The following ANP32E variants were observed in gnomAD, a reference collection of about 807,000 sequenced individuals.
ANP32E encodes the protein acidic nuclear phosphoprotein 32 family member E.
A neutral mutation model predicts 35.3 loss-of-function variants in ANP32E; 14 were observed. The ratio of observed to expected loss-of-function variants is 0.40; its 90% CI spans 0.26 to 0.62. ANP32E has a LOEUF of 0.62. Among genes scored for constraint, ANP32E ranks in the 20% least tolerant of loss-of-function variants. The probability of loss-of-function intolerance (pLI) is 0.45; values close to 1 mark genes in which losing one functional copy is unlikely to be tolerated. For missense variants in ANP32E, 198 were observed against 304.4 expected, an observed-to-expected ratio of 0.65 and a Z score of 2.60; for synonymous variants, 89 against 110.4, an observed-to-expected ratio of 0.81 and a Z score of 1.22.
Position 150,236,042 on chromosome 1 carries a change from GCACACACATACACACACACATACACA to G in ANP32E, c.-282_-257del. ...CGCGCACACACACGCACGCACGCGC[GCACACACATACACACACACATACACA>G]CACACACCCGCAGTTCCTTCCCCTT... On this transcript the variant is annotated 5_prime_UTR_variant, in exon 1 of 7. The change abolishes an upstream ATG in the 5' untranslated region. Coordinates refer to ENST00000583931, the MANE Select transcript of ANP32E (RefSeq NM_030920.5). 1 of 525,336 alleles carries G rather than the reference GCACACACATACACACACACATACACA, an allele frequency of 1.9e-6. No homozygotes were observed. Among genetic ancestry groups the G allele is most frequent in the South Asian group, 2.1e-5 (1 of 47,866 alleles). 32.5% of individuals were successfully genotyped at this position (525,336 alleles called of 1,614,324 possible).
chr1:150,223,343 G>A lies in ANP32E; in HGVS notation c.682-103C>T, dbSNP rs139294073. Reference sequence around the variant, plus strand: ...AGAGCAAAGAAACTATGGTTATTCTGTGTTTTGACAACCTCTGCCATTCTT... The same window carrying A: ...AGAGCAAAGAAACTATGGTTATTCTATGTTTTGACAACCTCTGCCATTCTT... On this transcript the variant is annotated intron_variant, in intron 5 of 6. Coordinates refer to ENST00000583931, the MANE Select transcript of ANP32E (RefSeq NM_030920.5). 418 of 1,420,468 alleles carry A rather than the reference G, an allele frequency of 2.9e-4. 2 individuals are homozygous for A. The African/African-American group carries it at 4.2e-3, about 14-fold the overall frequency. The allele number at this position is 1,420,468 out of a possible 1,614,324, so 88.0% of individuals were successfully genotyped here.
chr1:150,229,177 C>A lies in ANP32E; in HGVS notation c.388G>T (p.Asp130Tyr). Residue 130 changes from aspartate (D) to tyrosine (Y), a missense_variant, in exon 4 of 7, where the codon GAT becomes TAT. By Grantham distance (160) the Asp-to-Tyr change is radical. This residue lies in a region of ANP32E where 31 missense variants were observed against 62.6 expected (regional missense o/e 0.50). Transcript: ENST00000583931. ...LFNCEITNLEDYRESIFELLQ... is the reference protein window; with the variant it reads ...LFNCEITNLEYYRESIFELLQ... ...AGTTCAAAAATACTTTCTCTATAAT[C>A]TTCCAGGTTTGTGATCTCACAGTTA... 6.2e-7 allele frequency: 1 copy of A among 1,612,978 alleles called. No homozygotes were observed. Among genetic ancestry groups the A allele is most frequent in the Non-Finnish European group, 8.5e-7 (1 of 1,179,224 alleles).
chr1:150,233,416 G>A (rs187578932), intron 1 of ANP32E, among the ~76,000 whole-genome samples: 10 of 152,086 alleles, frequency 6.6e-5, no homozygotes, highest in Admixed American at 5.9e-4. Context: ...AGCTCTTCTG[G>A]GAACAGCCCA....
intron 1 of ANP32E, chr1:150,234,749 C>T (rs1649643430): frequency 2.3e-6 from 2 of 866,496 alleles, no homozygotes; most frequent in South Asian, 5.3e-5. Flanking sequence ...GTTGTCCTCG[C>T]GCCTTCGCCC....
chr1:150,235,165 C>T lies in ANP32E; in HGVS notation c.54+568G>A, dbSNP rs1553842934. ...CGGGCGAAGGGCAGAGGGCGGCGCG[C>T]GCGGCTTCCCGGAGGAGTGGGCGCC... On this transcript the variant is annotated intron_variant, in intron 1 of 6. Transcript: ENST00000583931. This position sits in a 1 kb window ranked among gnomAD's most constrained non-coding sequence, Gnocchi z 4.2. Among the ~76,000 whole-genome samples, 1 of 152,234 alleles carries T rather than the reference C, an allele frequency of 6.6e-6. No individual in the cohort carries two copies. Among genetic ancestry groups the T allele is most frequent in the Non-Finnish European group, 1.5e-5 (1 of 68,030 alleles).
intron 6 of ANP32E, among the ~76,000 whole-genome samples, chr1:150,222,780 T>C (rs1648535872): frequency 6.6e-6 from 1 of 151,148 alleles, no homozygotes; most frequent in South Asian, 2.1e-4. Flanking sequence ...AAAATATATA[T>C]ATATATAAAT....
rs148947714 is a variant in ANP32E at position 150,226,728 on chromosome 1, C to A, written c.561G>T (p.Glu187Asp). Residue 187 changes from glutamate to aspartate, a missense_variant, in exon 5 of 7, where the codon GAG becomes GAT. Coordinates refer to ENST00000583931, the MANE Select transcript of ANP32E (RefSeq NM_030920.5). ...CATCCTCCTCTTCCTCTTCCTCCTC[C>A]TCTTCCTCATATCCTTCCGGTGGAC... ...EAGPPEGYEE[E>D]EEEEEEEDED... 1 of 1,587,208 alleles carries A rather than the reference C, an allele frequency of 6.3e-7. No individual in the cohort carries two copies. Among genetic ancestry groups the A allele is most frequent in the African/African-American group, 1.3e-5 (1 of 74,174 alleles).
intron 4 of ANP32E, among the ~76,000 whole-genome samples, chr1:150,228,190 C>A (rs1224331348): frequency 1.3e-5 from 2 of 151,776 alleles, no homozygotes; most frequent in Admixed American, 1.3e-4. Context: ...CTCACTGCAA[C>A]CTTCGCCTCC....
At chr1:150,222,195 C>T (rs1241118341) in intron 6 of ANP32E, among the ~76,000 whole-genome samples, 1 of 151,596 alleles carries the variant, frequency 6.6e-6, no homozygotes, top group Non-Finnish European at 1.5e-5. Context: ...CTGAGGCAGG[C>T]GGATCACGAG....
chr1:150,225,090 A>G (rs587634539), intron 5 of ANP32E, among the ~76,000 whole-genome samples: 8 of 152,336 alleles, frequency 5.3e-5, no homozygotes, highest in African/African-American at 1.9e-4. Flanking sequence ...CTGCCTAAGA[A>G]AAAATATAGA....
At chr1:150,223,894 C>A (rs1215949604) in intron 5 of ANP32E, among the ~76,000 whole-genome samples, 2 of 151,624 alleles carry the variant, frequency 1.3e-5, no homozygotes, top group African/African-American at 4.8e-5. Context: ...TACAGGCATG[C>A]GCCACCACGC....
intron 5 of ANP32E, among the ~76,000 whole-genome samples, chr1:150,224,294 G>A (rs749565858): frequency 4.7e-4 from 71 of 152,214 alleles, no homozygotes; most frequent in Non-Finnish European, 9.3e-4. Flanking sequence ...AAAAGGTGGG[G>A]CCAGGTGCAG....
intron 3 of ANP32E, 110 bp from the exon 4 acceptor site, chr1:150,229,347 G>A: frequency 1.5e-6 from 1 of 656,782 alleles, no homozygotes; most frequent in East Asian, 3.1e-5. Context: ...TTGCCAGCTG[G>A]AATTCAGCGC....
At chr1:150,229,538 G>A (rs1396494065) in intron 3 of ANP32E, among the ~76,000 whole-genome samples, 2 of 148,964 alleles carry the variant, frequency 1.3e-5, no homozygotes, top group Admixed American at 1.3e-4. Context: ...GGAGTGCAAT[G>A]GCATGATCTC....
At position 150,235,658 on chromosome 1, in the gene ANP32E, C is replaced by T; in HGVS notation, c.54+75G>A. On this transcript the variant is annotated intron_variant, in intron 1 of 6. Transcript: ENST00000583931. The surrounding 1 kb of genome is among the most constrained non-coding windows in gnomAD (Gnocchi z 4.2). ...ACTTATTACTCCATCCCCGCACACC[C>T]ACCCAGGACCACCAGAAATCCGATC... The T allele has an allele frequency of 1.9e-6, 3 of 1,588,890 alleles. No homozygotes were observed. The highest frequency in any genetic ancestry group is 1.7e-6 in the Non-Finnish European group (2 of 1,162,556).
Position 150,229,147 on chromosome 1 carries a change from G to T in ANP32E, c.418C>A (p.Gln140Lys). The change falls in exon 4 of 7, where the codon CAG becomes AAG. Residue 140 changes from glutamine to lysine, a missense_variant. Transcript: ENST00000583931. ...AATCCATCTAAGTATGTGATTTGCTGCAGTAGTTCAAAAATACTTTCTCTA... is the reference window on the plus strand; with the variant it reads ...AATCCATCTAAGTATGTGATTTGCTTCAGTAGTTCAAAAATACTTTCTCTA... ...DYRESIFELL[Q>K]QITYLDGFDQ... 2 of 1,612,762 alleles carry T rather than the reference G, an allele frequency of 1.2e-6. No individual in the cohort carries two copies. Among genetic ancestry groups the T allele is most frequent in the Non-Finnish European group, 1.7e-6 (2 of 1,179,014 alleles).
In ANP32E at chr1:150,221,592, G is replaced by GGAAGGAAGGAAGGAAGGAA. The variant is rs1572005686; in HGVS notation, c.737-832_737-831insTTCCTTCCTTCCTTCCTTC. Among the ~76,000 whole-genome samples, 7 of 1,946 alleles carry GGAAGGAAGGAAGGAAGGAA rather than the reference G, an allele frequency of 3.6e-3. No individual in the cohort carries two copies. The East Asian group carries it at 0.2, about 56-fold the overall frequency. The allele number at this position is 1,946 out of a possible 152,430, so 1.3% of individuals were successfully genotyped here. ...AAGGAGAGTGGGAGGAAGGGAGGGA[G>GGAAGGAAGGAAGGAAGGAA]GGAGGGAGGGAGGGAAGGAAGGAAG... is the stretch of plus-strand genomic sequence containing the variant. On this transcript the variant is annotated intron_variant, in intron 6 of 6. Transcript: ENST00000583931.
chr1:150,223,796 A>T (rs1024499633), intron 5 of ANP32E, among the ~76,000 whole-genome samples: 2 of 150,314 alleles, frequency 1.3e-5, no homozygotes, highest in South Asian at 4.2e-4. Flanking sequence ...CCCAGGCTGA[A>T]GTGCAATGGC....
At position 150,235,502 on chromosome 1, in the gene ANP32E, C is replaced by A. The variant is rs1649707817; in HGVS notation, c.54+231G>T. On this transcript the variant is annotated intron_variant, in intron 1 of 6. Transcript: ENST00000583931. The surrounding 1 kb of genome is among the most constrained non-coding windows in gnomAD (Gnocchi z 4.2). The stretch of plus-strand genomic sequence containing the variant: ...CCGACTCGATGAAAGCCGAAAGGAG[C>A]TAAGCCCCCATGCACACACAAAAAC... 6.6e-6 allele frequency among the ~76,000 whole-genome samples: 1 copy of A among 152,196 alleles called. No individual in the cohort carries two copies.
Sources: allele counts gnomAD v4.1 joint callset (sites outside exome capture counted in the v4.1 genomes callset), GRCh38; gene constraint gnomAD v4.1.1; regional missense constraint gnomAD v4.1.1; non-coding constraint Gnocchi (gnomAD v3.1); transcripts MANE v1.5; gene names NCBI Gene and HGNC (gene_info 2026-07-23, HGNC 2026-07-21).